SLC35C1: variants seen among roughly 807,000 people sequenced by gnomAD.
SLC35C1 encodes the protein GDP-fucose transporter 1.
A neutral mutation model predicts 23.2 loss-of-function variants in SLC35C1; 8 were observed. The observed-to-expected ratio is 0.35, with a 90% CI of 0.20 to 0.62. The LOEUF is 0.62. Ranked by LOEUF, SLC35C1 falls within the 20% of genes least tolerant of loss-of-function variation. The pLI, the probability that SLC35C1 is intolerant of heterozygous loss-of-function variation, is 0.75. For missense variants in SLC35C1, 422 were observed against 478.6 expected, an observed-to-expected ratio of 0.88 and a Z score of 1.10; for synonymous variants, 226 against 225.1, an observed-to-expected ratio of 1.00 and a Z score of -0.04.
Position 45,810,766 on chromosome 11 carries a change from C to A in SLC35C1, c.536-10C>A. ...CTCACCCTTCCCCACTCCTCCTCTCCCCACTGCAGGGGGCTTCTGGCTTGG... is the reference window on the plus strand; with the variant it reads ...CTCACCCTTCCCCACTCCTCCTCTCACCACTGCAGGGGGCTTCTGGCTTGG... On this transcript the variant is annotated splice_polypyrimidine_tract_variant and intron_variant, in intron 1 of 1. Coordinates refer to ENST00000314134, the MANE Select transcript of SLC35C1 (RefSeq NM_018389.5). 6.2e-7 allele frequency: 1 copy of A among 1,607,830 alleles called. No individual in the cohort carries two copies. Among genetic ancestry groups the A allele is most frequent in the Non-Finnish European group, 8.5e-7 (1 of 1,176,524 alleles).
intron 1 of SLC35C1, among the ~76,000 whole-genome samples, chr11:45,807,142 G>A (rs10444287): frequency 0.098 from 14,921 of 152,142 alleles, 820 homozygotes; most frequent in South Asian, 0.15. Context: ...ACTTGCCCAC[G>A]GCCACACAGC....
At position 45,810,804 on chromosome 11, in the gene SLC35C1, G is replaced by C. The variant is rs543075977; in HGVS notation, c.564G>C (p.Glu188Asp). ...GCTTCTGGCTTGGTGTGGACCAGGAGGGGGCAGAAGGCACCCTGTCGTGGC... is the reference window on the plus strand; with the variant it reads ...GCTTCTGGCTTGGTGTGGACCAGGACGGGGCAGAAGGCACCCTGTCGTGGC... ...IGGFWLGVDQ[E>D]GAEGTLSWLG... is the part of the protein sequence containing the mutation. Residue 188 changes from glutamate to aspartate, a missense_variant, in exon 2 of 2, where the codon GAG (glutamate) becomes GAC (aspartate). Physicochemically the swap from Glu to Asp is conservative, Grantham distance 45. Coordinates refer to ENST00000314134, the MANE Select transcript of SLC35C1 (RefSeq NM_018389.5). The C allele has an allele frequency of 1.2e-6, 2 of 1,612,838 alleles. No individual in the cohort carries two copies. Among genetic ancestry groups the C allele is most frequent in the Non-Finnish European group, 1.7e-6 (2 of 1,179,920 alleles).
rs1042723264 is a variant in SLC35C1 at position 45,811,781 on chromosome 11, G to C, written c.*446G>C. 2.5e-5 allele frequency: 4 copies of C among 157,922 alleles called. No homozygotes were observed. The highest frequency in any genetic ancestry group is 9.6e-5 in the African/African-American group (4 of 41,566). 9.8% of individuals were successfully genotyped at this position (157,922 alleles called of 1,614,324 possible). ...CTACCACAGCCACCTGGAGAGGGTTGGGAAGCCTTCCGTCTGCGGTGGGCA... is the reference window on the plus strand; with the variant it reads ...CTACCACAGCCACCTGGAGAGGGTTCGGAAGCCTTCCGTCTGCGGTGGGCA... On this transcript the variant is annotated 3_prime_UTR_variant, in exon 2 of 2. Coordinates refer to ENST00000314134, the MANE Select transcript of SLC35C1 (RefSeq NM_018389.5).
In SLC35C1 at chr11:45,811,005, G is replaced by C. The variant is rs2085936572; in HGVS notation, c.765G>C (p.Leu255=). 4.3e-6 allele frequency: 7 copies of C among 1,612,746 alleles called. No individual in the cohort carries two copies. The highest frequency in any genetic ancestry group is 5.9e-6 in the Non-Finnish European group (7 of 1,180,046). The change falls in exon 2 of 2, where the codon CTG becomes CTC. Residue 255 remains leucine, a synonymous_variant. Transcript: ENST00000314134. The part of the protein sequence containing the change: ...LLLLLGELQA[L]RDFAQLGSAH... ...TGCTGCTCGGGGAGCTTCAGGCCCT[G>C]CGTGACTTTGCCCAGCTGGGCAGTG...
chr11:45,809,026 G>C (rs1322673177), intron 1 of SLC35C1, among the ~76,000 whole-genome samples: 1 of 152,230 alleles, frequency 6.6e-6, no homozygotes, highest in Non-Finnish European at 1.5e-5. Context: ...AAAAAGAGAA[G>C]AGTGCTGTGT....
At position 45,806,202 on chromosome 11, in the gene SLC35C1, G is replaced by C; in HGVS notation, c.401G>C (p.Cys134Ser). The C allele has an allele frequency of 6.2e-7, 1 of 1,605,598 alleles. No homozygotes were observed. The highest frequency in any genetic ancestry group is 1.3e-5 in the African/African-American group (1 of 75,024). ...GGCATGATCACCTTCAATAACCTCT[G>C]CCTCAAGTACGTCGGTGTGGCCTTC... ...FIGMITFNNL[C>S]LKYVGVAFYN... is the part of the protein sequence containing the mutation. Residue 134 changes from cysteine to serine, a missense_variant, in exon 1 of 2, where the codon TGC (cysteine) becomes TCC (serine). Coordinates refer to ENST00000314134, the MANE Select transcript of SLC35C1 (RefSeq NM_018389.5).
In SLC35C1 at chr11:45,811,397, T is replaced by G; in HGVS notation, c.*62T>G. ...CCGTACACAGGCGGGGCCAGCACAG[T>G]AGTGAAGGCGGTCTCCTGGACCCCA... On this transcript the variant is annotated 3_prime_UTR_variant, in exon 2 of 2. Coordinates refer to ENST00000314134, the MANE Select transcript of SLC35C1 (RefSeq NM_018389.5). The G allele has an allele frequency of 7.3e-7, 1 of 1,364,624 alleles. No individual in the cohort carries two copies. 84.5% of individuals were successfully genotyped at this position (1,364,624 alleles called of 1,614,324 possible).
chr11:45,811,321 G>A lies in SLC35C1; in HGVS notation c.1081G>A (p.Ala361Thr), dbSNP rs371853940. The A allele has an allele frequency of 7.0e-5, 107 of 1,523,984 alleles. No homozygotes were observed. The highest frequency in any genetic ancestry group is 8.9e-5 in the Non-Finnish European group (102 of 1,145,718). 94.4% of individuals were successfully genotyped at this position (1,523,984 alleles called of 1,614,324 possible). The change falls in exon 2 of 2, where the codon GCC (alanine) becomes ACC (threonine). Residue 361 changes from alanine to threonine, a missense_variant. Physicochemically the swap from Ala to Thr is moderately conservative, Grantham distance 58 (BLOSUM62 0). Coordinates refer to ENST00000314134, the MANE Select transcript of SLC35C1 (RefSeq NM_018389.5). The stretch of plus-strand genomic sequence containing the variant: ...CAGCCCCAAAGACAGCGAGAAGAGC[G>A]CCATGGGGGTGTGAGCACCACAGGC... Reference protein sequence around the residue: ...EPSPKDSEKSAMGV With the variant: ...EPSPKDSEKSTMGV
chr11:45,811,388 C>A lies in SLC35C1; in HGVS notation c.*53C>A. The A allele has an allele frequency of 1.4e-6, 2 of 1,403,222 alleles. No individual in the cohort carries two copies. The highest frequency in any genetic ancestry group is 5.7e-5 in the Admixed American group (2 of 35,208). 86.9% of individuals were successfully genotyped at this position (1,403,222 alleles called of 1,614,324 possible). A position where few individuals can be genotyped will look rare whatever the true frequency, so the allele number is the denominator to read the frequency against. ...CCCCGGGGCCCGTACACAGGCGGGG[C>A]CAGCACAGTAGTGAAGGCGGTCTCC... On this transcript the variant is annotated 3_prime_UTR_variant, in exon 2 of 2. Coordinates refer to ENST00000314134, the MANE Select transcript of SLC35C1 (RefSeq NM_018389.5).
Position 45,812,483 on chromosome 11 carries a change from G to T in SLC35C1, c.*1148G>T. 1 of 453,764 alleles carries T rather than the reference G, an allele frequency of 2.2e-6. No homozygotes were observed. Among genetic ancestry groups the T allele is most frequent in the Middle Eastern group, 3.3e-4 (1 of 3,028 alleles). 28.1% of individuals were successfully genotyped at this position (453,764 alleles called of 1,614,324 possible). The stretch of plus-strand genomic sequence containing the variant: ...AAACGTATTGCTCACAGTCCTGGGG[G>T]GCTGGGACGCCCAAGATCAAGAGGC... On this transcript the variant is annotated 3_prime_UTR_variant, in exon 2 of 2. Coordinates refer to ENST00000314134, the MANE Select transcript of SLC35C1 (RefSeq NM_018389.5).
At position 45,805,174 on chromosome 11, in the gene SLC35C1, T is replaced by G. The variant is rs1399845311; in HGVS notation, c.-628T>G. ...CTCGGATGTCCGGAGGCTCCTGGGCTGAGCCGGCGACAGAGCCCGGGAAGG... is the reference window on the plus strand; with the variant it reads ...CTCGGATGTCCGGAGGCTCCTGGGCGGAGCCGGCGACAGAGCCCGGGAAGG... On this transcript the variant is annotated 5_prime_UTR_variant, in exon 1 of 2. Coordinates refer to ENST00000314134, the MANE Select transcript of SLC35C1 (RefSeq NM_018389.5). 109 of 991,068 alleles carry G rather than the reference T, an allele frequency of 1.1e-4. No homozygotes were observed. The highest frequency in any genetic ancestry group is 1.3e-4 in the Non-Finnish European group (106 of 833,062). The allele number at this position is 991,068 out of a possible 1,614,324, so 61.4% of individuals were successfully genotyped here.
chr11:45,808,237 T>C (rs980386916), intron 1 of SLC35C1, among the ~76,000 whole-genome samples: 8 of 152,166 alleles, frequency 5.3e-5, no homozygotes, highest in Non-Finnish European at 1.2e-4. Context: ...CAGTGGCTCA[T>C]GCCTGTAATC....
intron 1 of SLC35C1, among the ~76,000 whole-genome samples, chr11:45,809,532 G>C (rs571350446): frequency 4.5e-4 from 69 of 152,186 alleles, no homozygotes; most frequent in South Asian, 6.2e-4. Context: ...TGAAGGCAGT[G>C]GAGAGCCACA....
upstream of SLC35C1, chr11:45,804,897 G>A (rs1290933443): frequency 1.0e-6 from 1 of 985,598 alleles, no homozygotes; most frequent in African/African-American, 1.7e-5. Flanking sequence ...GGACGGAGCT[G>A]AGGGTGGGCA....
chr11:45,812,998 C>A lies in SLC35C1; in HGVS notation c.*1663C>A. Reference sequence around the variant, plus strand: ...CTGATGCCCTGAGTTGTTTGTGATTCAATAAAGAATCCATAAGATCCTGTG... The same window carrying A: ...CTGATGCCCTGAGTTGTTTGTGATTAAATAAAGAATCCATAAGATCCTGTG... On this transcript the variant is annotated 3_prime_UTR_variant, in exon 2 of 2. Coordinates refer to ENST00000314134, the MANE Select transcript of SLC35C1 (RefSeq NM_018389.5). The A allele has an allele frequency of 4.5e-6, 1 of 224,704 alleles. No homozygotes were observed. Among genetic ancestry groups the A allele is most frequent in the Non-Finnish European group, 9.3e-6 (1 of 107,676 alleles). 13.9% of individuals were successfully genotyped at this position (224,704 alleles called of 1,614,324 possible).
Position 45,805,932 on chromosome 11 carries a change from TG to T in SLC35C1, c.133del (p.Val45SerfsTer39). The T allele has an allele frequency of 1.2e-6, 2 of 1,614,182 alleles. No individual in the cohort carries two copies. The highest frequency in any genetic ancestry group is 2.2e-5 in the South Asian group (2 of 91,088). ...FLLRALQIAL[V>X]VSLYWVTSIS... ...CTGCGGGCATTGCAGATCGCGCTGG[TG>T]GTCTCCCTCTACTGGGTCACCTCCA... On this transcript the variant is annotated frameshift_variant, in exon 1 of 2. Coordinates refer to ENST00000314134, the MANE Select transcript of SLC35C1 (RefSeq NM_018389.5). LOFTEE classifies it high-confidence loss of function.
At chr11:45,810,676 ACTCAGT>A (rs1455076338) in intron 1 of SLC35C1, 94 bp from the exon 2 acceptor site, 4 of 1,496,962 alleles carry the variant, frequency 2.7e-6, no homozygotes, top group Non-Finnish European at 3.6e-6. Context: ...GGGCCGCAAT[ACTCAGT>A]CTGTGAAATT....
At chr11:45,806,546 T>C (rs928599501) in intron 1 of SLC35C1, among the ~76,000 whole-genome samples, 1 of 152,174 alleles carries the variant, frequency 6.6e-6, no homozygotes, top group Non-Finnish European at 1.5e-5. Flanking sequence ...AGAACAATAG[T>C]AATAATAATA....
Position 45,811,779 on chromosome 11 carries a change from T to C in SLC35C1, c.*444T>C, listed in dbSNP as rs1399406569. On this transcript the variant is annotated 3_prime_UTR_variant, in exon 2 of 2. Coordinates refer to ENST00000314134, the MANE Select transcript of SLC35C1 (RefSeq NM_018389.5). Reference sequence around the variant, plus strand: ...CCCTACCACAGCCACCTGGAGAGGGTTGGGAAGCCTTCCGTCTGCGGTGGG... The same window carrying C: ...CCCTACCACAGCCACCTGGAGAGGGCTGGGAAGCCTTCCGTCTGCGGTGGG... 6.3e-6 allele frequency: 1 copy of C among 157,520 alleles called. No individual in the cohort carries two copies. Among genetic ancestry groups the C allele is most frequent in the African/African-American group, 2.4e-5 (1 of 41,500 alleles). The allele number at this position is 157,520 out of a possible 1,614,324, so 9.8% of individuals were successfully genotyped here.
Sources: gnomAD v4.1 joint callset for allele counts (sites outside exome capture counted in the v4.1 genomes callset) on GRCh38, gnomAD v4.1.1 for gene constraint, MANE v1.5 for transcripts, NCBI Gene and HGNC (gene_info 2026-07-23, HGNC 2026-07-21) for gene names.